Variants in PPP2R5C observed in about 807,000 individuals in gnomAD.
PPP2R5C encodes serine/threonine-protein phosphatase 2A 56 kDa regulatory subunit gamma isoform.
In PPP2R5C, 7 loss-of-function variants were observed where a neutral mutation model predicts 68.9. The ratio of observed to expected loss-of-function variants is 0.10; its 90% CI spans 0.06 to 0.19. The LOEUF is 0.19. PPP2R5C is among the 10% of genes least tolerant of loss of function. PPP2R5C has a pLI of 1.00. For synonymous variants in PPP2R5C, 210 were observed against 222.2 expected, an observed-to-expected ratio of 0.95 and a Z score of 0.49; for missense variants, 348 against 641.3, an observed-to-expected ratio of 0.54 and a Z score of 4.94.
At chr14:101,910,474 T>G (rs113585297) in intron 11 of PPP2R5C, among the ~76,000 whole-genome samples, 159 of 152,314 alleles carry the variant, frequency 1.0e-3, no homozygotes, top group African/African-American at 3.8e-3. Context: ...ATGTGAATAT[T>G]TACCTTATAC....
chr14:101,827,966 T>A (rs2040496924), intron 1 of PPP2R5C, among the ~76,000 whole-genome samples: 1 of 152,250 alleles, frequency 6.6e-6, no homozygotes, highest in African/African-American at 2.4e-5. Context: ...ATCTTTTTTT[T>A]ACTGATCTTA....
intron 2 of PPP2R5C, among the ~76,000 whole-genome samples, chr14:101,875,648 A>T (rs2043717182): frequency 1.3e-5 from 2 of 152,208 alleles, no homozygotes; most frequent in South Asian, 4.1e-4. Context: ...GTGCCATGAA[A>T]GCAGATTCAA....
At chr14:101,834,856 G>A (rs1233540939) in intron 1 of PPP2R5C, among the ~76,000 whole-genome samples, 1 of 152,182 alleles carries the variant, frequency 6.6e-6, no homozygotes, top group Non-Finnish European at 1.5e-5. Flanking sequence ...AAATCTCAGA[G>A]ATTGACTTGG....
chr14:101,823,679 T>G, intron 1 of PPP2R5C: 5 of 846,220 alleles, frequency 5.9e-6, no homozygotes, highest in Non-Finnish European at 7.2e-6. Flanking sequence ...CCAACTTGTC[T>G]GAGGTCCAAG....
At chr14:101,859,643 G>C (rs893600037) in intron 2 of PPP2R5C, among the ~76,000 whole-genome samples, 2 of 152,186 alleles carry the variant, frequency 1.3e-5, no homozygotes, top group Non-Finnish European at 2.9e-5. Flanking sequence ...CGGTGGGGTG[G>C]TGCCTGGCCT....
At chr14:101,895,932 G>C (rs2045290872) in intron 8 of PPP2R5C, among the ~76,000 whole-genome samples, 1 of 152,160 alleles carries the variant, frequency 6.6e-6, no homozygotes. Context: ...TACATTCCCT[G>C]CAGCAATGCA....
chr14:101,863,000 AT>A (rs1327245437), intron 2 of PPP2R5C, among the ~76,000 whole-genome samples: 5 of 151,258 alleles, frequency 3.3e-5, no homozygotes, highest in Admixed American at 2.0e-4. Flanking sequence ...CAACTGGCTA[AT>A]TTTTTTTTAA....
intron 5 of PPP2R5C, among the ~76,000 whole-genome samples, chr14:101,887,494 C>T (rs193022689): frequency 5.0e-4 from 76 of 152,350 alleles, no homozygotes; most frequent in African/African-American, 1.7e-3. Context: ...CTGTCGTCTG[C>T]GCTAGGCTCA....
intron 1 of PPP2R5C, among the ~76,000 whole-genome samples, chr14:101,846,105 G>A (rs1313892517): frequency 6.6e-6 from 1 of 152,194 alleles, no homozygotes; most frequent in Non-Finnish European, 1.5e-5. Context: ...CTAGCTACAG[G>A]CAGCCACATG....
chr14:101,880,553 T>C (rs953238930), intron 2 of PPP2R5C, among the ~76,000 whole-genome samples: 4 of 152,196 alleles, frequency 2.6e-5, no homozygotes, highest in Non-Finnish European at 5.9e-5. Flanking sequence ...TCCAGTACTT[T>C]GGGAGGCCGA....
chr14:101,806,267 ACCC>A (rs201531383), upstream of PPP2R5C, among the ~76,000 whole-genome samples: 1 of 121,242 alleles, frequency 8.2e-6, no homozygotes, highest in Admixed American at 8.2e-5. Context: ...CCTGTCCCCC[ACCC>A]CCCGACAGGT....
Position 101,860,869 on chromosome 14 carries a change from C to T in PPP2R5C, c.294+3984C>T, listed in dbSNP as rs542157851. ...AACGTCCTGATCATCTAGCTTGACC[C>T]TTTTCTTTTCCAGATAAAAAGGCTT... is the stretch of plus-strand genomic sequence containing the variant. On this transcript the variant is annotated intron_variant, in intron 2 of 13. Coordinates refer to ENST00000334743, the Ensembl canonical transcript of PPP2R5C. Among the ~76,000 whole-genome samples, 308 of 152,284 alleles carry T rather than the reference C, an allele frequency of 2.0e-3. 1 individual carries two copies. Among genetic ancestry groups the T allele is most frequent in the Non-Finnish European group, 3.4e-3 (229 of 68,018 alleles).
chr14:101,922,202 T>A (rs1304766033), intron 13 of PPP2R5C: 1 of 985,074 alleles, frequency 1.0e-6, no homozygotes, highest in Non-Finnish European at 1.2e-6. Flanking sequence ...ATTTGGCAGC[T>A]GGGAGGCCGG....
chr14:101,784,858 T>C (rs2038014640), intron 2 of PPP2R5C, among the ~76,000 whole-genome samples: 2 of 152,166 alleles, frequency 1.3e-5, no homozygotes, highest in Non-Finnish European at 2.9e-5. Flanking sequence ...CAAACAGCTG[T>C]GGGCCAGGTC....
intron 1 of PPP2R5C, among the ~76,000 whole-genome samples, chr14:101,841,949 C>G (rs1464992179): frequency 6.6e-6 from 1 of 152,172 alleles, no homozygotes; most frequent in African/African-American, 2.4e-5. Context: ...CACCTGATTT[C>G]TAGTGCCACC....
chr14:101,816,088 C>T (rs2039648915), intron 1 of PPP2R5C, among the ~76,000 whole-genome samples: 1 of 152,226 alleles, frequency 6.6e-6, no homozygotes, highest in Non-Finnish European at 1.5e-5. Context: ...CAATGAAAAA[C>T]ATATAGGAGA....
intron 3 of PPP2R5C, among the ~76,000 whole-genome samples, chr14:101,802,234 G>T (rs906225540): frequency 2.6e-5 from 4 of 152,152 alleles, no homozygotes; most frequent in Non-Finnish European, 4.4e-5. Flanking sequence ...CCAACATGGT[G>T]AAACCCCGTC....
At chr14:101,795,383 T>A (rs1322517433) in intron 3 of PPP2R5C, among the ~76,000 whole-genome samples, 1 of 152,218 alleles carries the variant, frequency 6.6e-6, no homozygotes, top group Non-Finnish European at 1.5e-5. Flanking sequence ...AGGTATTTCA[T>A]ATTTTTATTT....
exon 11 of PPP2R5C, chr14:101,909,666 A>G (rs2046275607): frequency 1.2e-6 from 2 of 1,606,162 alleles, no homozygotes; most frequent in Non-Finnish European, 1.7e-6. Flanking sequence ...GACTGTACAC[A>G]ACAGTTCAAA....
Sources: gnomAD v4.1 joint callset for allele counts (sites outside exome capture counted in the v4.1 genomes callset) on GRCh38, gnomAD v4.1.1 for gene constraint, MANE v1.5 for transcripts, NCBI Gene and HGNC (gene_info 2026-07-23, HGNC 2026-07-21) for gene names.